Variants in ARHGEF3 observed in about 807,000 individuals in gnomAD.
The protein encoded by ARHGEF3 is Rho guanine nucleotide exchange factor 3.
A neutral mutation model predicts 63.2 loss-of-function variants in ARHGEF3; 28 were observed. The ratio of observed to expected loss-of-function variants is 0.44; its 90% CI spans 0.33 to 0.61. The LOEUF is 0.61. Among genes scored for constraint, ARHGEF3 ranks in the 20% least tolerant of loss-of-function variants. The probability of loss-of-function intolerance (pLI) is 0.03; values close to 1 mark genes in which losing one functional copy is unlikely to be tolerated. For missense variants in ARHGEF3, 533 were observed against 659.3 expected (o/e 0.81, Z 2.10); for synonymous variants, 266 against 254.2 (o/e 1.05, Z -0.44).
chr3:57,031,212 G>C (rs929089735), intron 2 of ARHGEF3, among the ~76,000 whole-genome samples: 1 of 152,210 alleles, frequency 6.6e-6, no homozygotes, highest in African/African-American at 2.4e-5. Flanking sequence ...GAGGTGAGAC[G>C]TAGCCCCATG....
intron 1 of ARHGEF3, among the ~76,000 whole-genome samples, chr3:56,799,201 A>G (rs1000135005): frequency 5.3e-5 from 8 of 152,322 alleles, no homozygotes; most frequent in Non-Finnish European, 1.2e-4. Context: ...ATGCACATCA[A>G]TGCCACTTGC....
chr3:56,836,039 G>A (rs1236098764), intron 4 of ARHGEF3, among the ~76,000 whole-genome samples: 4 of 152,242 alleles, frequency 2.6e-5, no homozygotes, highest in Middle Eastern at 3.4e-3. Context: ...AATGACCTTC[G>A]TGACACAATT....
At chr3:57,023,938 A>G (rs1044780160) in intron 2 of ARHGEF3, among the ~76,000 whole-genome samples, 2 of 152,216 alleles carry the variant, frequency 1.3e-5, no homozygotes, top group Non-Finnish European at 2.9e-5. Flanking sequence ...ACCCAGAACA[A>G]CGCCCCCGGC....
intron 3 of ARHGEF3, among the ~76,000 whole-genome samples, chr3:56,902,080 G>A (rs371733382): frequency 1.3e-5 from 2 of 152,244 alleles, no homozygotes; most frequent in African/African-American, 4.8e-5. Flanking sequence ...TGAACAACAT[G>A]GCACTAAACA....
intron 3 of ARHGEF3, among the ~76,000 whole-genome samples, chr3:56,923,055 T>TATAA (rs1450909490): frequency 1.9e-4 from 3 of 15,552 alleles, no homozygotes; most frequent in African/African-American, 4.2e-4. Flanking sequence ...TATATATATA[T>TATAA]ATATATATAT....
chr3:56,898,015 G>A (rs1405000964), intron 3 of ARHGEF3, among the ~76,000 whole-genome samples: 2 of 152,050 alleles, frequency 1.3e-5, no homozygotes, highest in Non-Finnish European at 2.9e-5. Context: ...AAGTAGCTGG[G>A]ACTACAGGTG....
At chr3:56,820,461 TA>T (rs960505670) in intron 4 of ARHGEF3, among the ~76,000 whole-genome samples, 5 of 151,142 alleles carry the variant, frequency 3.3e-5, no homozygotes, top group Middle Eastern at 3.4e-3. Context: ...AGCAAGAGGG[TA>T]AAAAAAAGGG....
chr3:56,868,627 T>C (rs1217590400), intron 4 of ARHGEF3, among the ~76,000 whole-genome samples: 1 of 152,176 alleles, frequency 6.6e-6, no homozygotes, highest in Non-Finnish European at 1.5e-5. Flanking sequence ...CCTCCAAAAG[T>C]GCTGGGATTA....
In ARHGEF3 at chr3:56,754,927, T is replaced by C. The variant is rs146916318; in HGVS notation, c.375+54A>G. 7.3e-5 allele frequency: 118 copies of C among 1,606,364 alleles called. 1 individual carries two copies. The Middle Eastern group carries it at 1.5e-3, about 20-fold the overall frequency. On this transcript the variant is annotated intron_variant, in intron 3 of 9. Coordinates refer to ENST00000296315, the MANE Select transcript of ARHGEF3 (RefSeq NM_019555.3). ...GCGCAAATTCCAGCATGGCTGACGCTGCAATGCACCTTTGTTCCAGACACA... is the reference window on the plus strand; with the variant it reads ...GCGCAAATTCCAGCATGGCTGACGCCGCAATGCACCTTTGTTCCAGACACA...
At chr3:57,050,159 C>T (rs1704613405) in intron 1 of ARHGEF3, among the ~76,000 whole-genome samples, 1 of 152,208 alleles carries the variant, frequency 6.6e-6, no homozygotes, top group Admixed American at 6.5e-5. Context: ...TTCTCTCAGC[C>T]CCTGCTGCTA....
At chr3:56,920,148 G>A (rs1251572102) in intron 3 of ARHGEF3, among the ~76,000 whole-genome samples, 1 of 152,102 alleles carries the variant, frequency 6.6e-6, no homozygotes, top group Non-Finnish European at 1.5e-5. Flanking sequence ...CAAAATTCTG[G>A]GGGCATAGGT....
At chr3:56,951,718 C>T (rs777743854) in intron 3 of ARHGEF3, among the ~76,000 whole-genome samples, 4 of 151,936 alleles carry the variant, frequency 2.6e-5, no homozygotes, top group Non-Finnish European at 5.9e-5. Context: ...TAACTGTTTT[C>T]CTATTAGATT....
intron 2 of ARHGEF3, among the ~76,000 whole-genome samples, chr3:57,014,466 G>A (rs1191865097): frequency 6.6e-6 from 1 of 152,038 alleles, no homozygotes; most frequent in East Asian, 1.9e-4. Flanking sequence ...CAAATATGTG[G>A]TATAATTCTA....
intron 4 of ARHGEF3, among the ~76,000 whole-genome samples, chr3:56,819,646 G>C (rs1441770326): frequency 1.3e-5 from 2 of 151,546 alleles, no homozygotes; most frequent in African/African-American, 2.4e-5. Flanking sequence ...TGAGTAGCTG[G>C]GACTACAGGT....
At position 57,042,686 on chromosome 3, in the gene ARHGEF3, A is replaced by ATTT. The variant is rs1560156239; in HGVS notation, c.-27-7511_-27-7510insAAA. On this transcript the variant is annotated intron_variant, in intron 1 of 12. Transcript: ENST00000338458. ...TATATATATATATATATATATATAT[A>ATTT]TATATATATATATATTTTTTTTTTT... Among the ~76,000 whole-genome samples, 29 of 7,660 alleles carry ATTT rather than the reference A, an allele frequency of 3.8e-3. 2 individuals carry two copies. The highest frequency in any genetic ancestry group is 5.2e-3 in the Non-Finnish European group (25 of 4,792). 5.0% of individuals were successfully genotyped at this position (7,660 alleles called of 152,430 possible).
chr3:56,733,327 G>A (rs1403464790), intron 8 of ARHGEF3, among the ~76,000 whole-genome samples: 2 of 48,120 alleles, frequency 4.2e-5, no homozygotes, highest in Non-Finnish European at 1.0e-4. Flanking sequence ...CGAGGTGGGC[G>A]GGGCGGGGGG....
chr3:56,758,393 C>A (rs1264091329), intron 2 of ARHGEF3, among the ~76,000 whole-genome samples: 1 of 151,670 alleles, frequency 6.6e-6, no homozygotes, highest in African/African-American at 2.4e-5. Flanking sequence ...AGTTCGAGAC[C>A]ACTCTGGGCA....
At chr3:56,868,953 G>T (rs769745783) in intron 4 of ARHGEF3, among the ~76,000 whole-genome samples, 3 of 152,084 alleles carry the variant, frequency 2.0e-5, no homozygotes, top group Non-Finnish European at 4.4e-5. Context: ...TAGTGGACGC[G>T]CTGAGTGAAT....
intron 1 of ARHGEF3, among the ~76,000 whole-genome samples, chr3:57,071,485 C>A (rs991453044): frequency 1.3e-5 from 2 of 152,076 alleles, no homozygotes; most frequent in East Asian, 1.9e-4. Context: ...CATGGTGAAA[C>A]CCCGTCTCTA....
Sources: gnomAD v4.1 joint callset for allele counts (sites outside exome capture counted in the v4.1 genomes callset) on GRCh38, gnomAD v4.1.1 for gene constraint, MANE v1.5 for transcripts, NCBI Gene and HGNC (gene_info 2026-07-23, HGNC 2026-07-21) for gene names.